The following HELZ variants were observed in gnomAD, a reference collection of about 807,000 sequenced individuals.
HELZ encodes helicase with zinc finger, also known as ATP-dependent RNA helicase with zinc finger domain.
In HELZ, 23 loss-of-function variants were observed where a neutral mutation model predicts 218.2. The observed-to-expected ratio is 0.11, with a 90% CI of 0.08 to 0.15. HELZ has a LOEUF of 0.15. Among genes scored for constraint, HELZ ranks in the 10% least tolerant of loss-of-function variants. The pLI, the probability that HELZ is intolerant of heterozygous loss-of-function variation, is 1.00. For synonymous variants in HELZ, 814 were observed against 829.4 expected, an observed-to-expected ratio of 0.98 and a Z score of 0.32; for missense variants, 1,813 against 2,353.7, an observed-to-expected ratio of 0.77 and a Z score of 4.75.
rs10692832 is a variant in HELZ at position 67,212,314 on chromosome 17, C to CAAAAAAAAAAAAAAAAAAAAAAAGAAAA, written c.247+3584_247+3585insTTTTCTTTTTTTTTTTTTTTTTTTTTTT. Among the ~76,000 whole-genome samples the CAAAAAAAAAAAAAAAAAAAAAAAGAAAA allele has an allele frequency of 9.3e-5, 2 of 21,396 alleles. 1 individual carries two copies. The highest frequency in any genetic ancestry group is 1.6e-4 in the Non-Finnish European group (2 of 12,310). 14.0% of individuals were successfully genotyped at this position (21,396 alleles called of 152,430 possible). On this transcript the variant is annotated intron_variant, in intron 5 of 32. Transcript: ENST00000358691. The stretch of plus-strand genomic sequence containing the variant: ...TGGGCGACAGGGAGAGACACCATCT[C>CAAAAAAAAAAAAAAAAAAAAAAAGAAAA]AAAAAAAAAAAAAAAAAAAAAGGCT...
At chr17:67,126,708 C>CAA (rs1185600678) in intron 24 of HELZ, among the ~76,000 whole-genome samples, 2 of 142,702 alleles carry the variant, frequency 1.4e-5, no homozygotes, top group East Asian at 3.9e-4. Context: ...CACACACACA[C>CAA]AAAACTACTG....
In HELZ at chr17:67,235,749, CTTTTTTTTTT is replaced by C. The variant is rs1216322685; in HGVS notation, c.-19+3674_-19+3683del. On this transcript the variant is annotated intron_variant, in intron 3 of 32. Coordinates refer to ENST00000358691, the MANE Select transcript of HELZ (RefSeq NM_014877.4). ...TCATTTACCATTTTGACCACACACT[CTTTTTTTTTT>C]TTTTTTTTTTTTTTGAGACGGAGTC... 1.0e-4 allele frequency among the ~76,000 whole-genome samples: 8 copies of C among 78,670 alleles called. No individual in the cohort carries two copies. The Admixed American group carries it at 1.2e-3, about 12-fold the overall frequency. The allele number at this position is 78,670 out of a possible 152,430, so 51.6% of individuals were successfully genotyped here. A position where few individuals can be genotyped will look rare whatever the true frequency, so the allele number is the denominator to read the frequency against.
chr17:67,186,999 G>A (rs2039774114), intron 12 of HELZ, among the ~76,000 whole-genome samples: 1 of 152,122 alleles, frequency 6.6e-6, no homozygotes, highest in African/African-American at 2.4e-5. Flanking sequence ...ACACCCATTT[G>A]CTTATGCATT....
rs2038960601 is a variant in HELZ, at chr17:67,160,319, T to C, written c.2119A>G (p.Ile707Val). ...THSNSAADLY[I>V]KDYLHPYVEA... ...ACATATGGATGTAAATAATCCTTTA[T>C]GTAGAGATCAGCAGCACTATTAGAA... The change falls in exon 17 of 33, where the codon ATA (isoleucine) becomes GTA (valine). Residue 707 changes from isoleucine (I) to valine (V), a missense_variant. Transcript: ENST00000358691. 3 of 1,612,610 alleles carry C rather than the reference T, an allele frequency of 1.9e-6. No individual in the cohort carries two copies. The highest frequency in any genetic ancestry group is 2.5e-6 in the Non-Finnish European group (3 of 1,179,128).
intron 1 of HELZ, among the ~76,000 whole-genome samples, chr17:67,244,349 ACAAT>A (rs2041408619): frequency 6.6e-6 from 1 of 152,206 alleles, no homozygotes; most frequent in Non-Finnish European, 1.5e-5. Flanking sequence ...CGATCCAAGA[ACAAT>A]CAGAGGACCC....
chr17:67,211,785 C>G (rs115286405), intron 5 of HELZ, among the ~76,000 whole-genome samples: 1,620 of 151,970 alleles, frequency 0.011, 30 homozygotes, highest in African/African-American at 0.037. Context: ...TGCTTGAGCC[C>G]GTAAGGCAGA....
At chr17:67,183,432 T>G (rs2039666142) in intron 12 of HELZ, among the ~76,000 whole-genome samples, 1 of 152,244 alleles carries the variant, frequency 6.6e-6, no homozygotes, top group African/African-American at 2.4e-5. Context: ...CTATTACTTT[T>G]CTGATCATGT....
intron 6 of HELZ, among the ~76,000 whole-genome samples, chr17:67,202,685 A>T (rs2040198360): frequency 6.6e-6 from 1 of 152,356 alleles, no homozygotes; most frequent in East Asian, 1.9e-4. Flanking sequence ...ACCCTATGAG[A>T]TCATATGTCC....
chr17:67,180,877 CAAAAAAA>C (rs1019801835), intron 12 of HELZ, among the ~76,000 whole-genome samples: 125 of 41,916 alleles, frequency 3.0e-3, no homozygotes, highest in Admixed American at 0.01. Flanking sequence ...GACTCCATCT[CAAAAAAA>C]AAAAAAAAAA....
At chr17:67,120,256 G>A (rs1011522501) in intron 27 of HELZ, 149 bp downstream of exon 27, 20 of 652,356 alleles carry the variant, frequency 3.1e-5, no homozygotes, top group Admixed American at 2.4e-4. Context: ...TGCCCGCCTC[G>A]GCCTCCCAAA....
At chr17:67,193,865 T>C in intron 9 of HELZ, 102 bp downstream of exon 9, 1 of 820,288 alleles carries the variant, frequency 1.2e-6, no homozygotes, top group Non-Finnish European at 2.0e-6. Context: ...ATGGCTTCTG[T>C]TTCAAATTGA....
intron 3 of HELZ, among the ~76,000 whole-genome samples, chr17:67,220,271 C>T (rs1197746446): frequency 1.3e-5 from 2 of 152,170 alleles, no homozygotes; most frequent in Admixed American, 1.3e-4. Context: ...TAGAGAGCAG[C>T]AGGAGGCAAG....
At chr17:67,162,429 G>A (rs943782187) in intron 15 of HELZ, among the ~76,000 whole-genome samples, 5 of 152,100 alleles carry the variant, frequency 3.3e-5, no homozygotes, top group African/African-American at 7.2e-5. Context: ...AGCATTAACC[G>A]GCTTATTTAT....
chr17:67,174,521 A>G (rs2039400054), intron 13 of HELZ, among the ~76,000 whole-genome samples: 1 of 152,156 alleles, frequency 6.6e-6, no homozygotes, highest in Admixed American at 6.5e-5. Context: ...TGCTTTGGCC[A>G]GGCATGGTAG....
At position 67,151,102 on chromosome 17, in the gene HELZ, A is replaced by G; in HGVS notation, c.2300T>C (p.Val767Ala). Residue 767 changes from valine to alanine, a missense_variant, in exon 18 of 33, where the codon GTG (valine) becomes GCG (alanine). By Grantham distance (64) the Val-to-Ala change is moderately conservative. Coordinates refer to ENST00000358691, the MANE Select transcript of HELZ (RefSeq NM_014877.4). ...PQKEDILKHR[V>A]VVVTLNTSQY... ...GGAAGTATTCAAGGTAACAACCACC[A>G]CTCGATGTTTAAGAATATCTTCTTT... 6.2e-7 allele frequency: 1 copy of G among 1,613,888 alleles called. No individual in the cohort carries two copies. The highest frequency in any genetic ancestry group is 8.5e-7 in the Non-Finnish European group (1 of 1,179,864).
intron 10 of HELZ, 63 bp downstream of exon 10, chr17:67,190,094 A>T: frequency 7.3e-7 from 1 of 1,361,188 alleles, no homozygotes; most frequent in Non-Finnish European, 1.0e-6. Flanking sequence ...AGCACACAAT[A>T]AAGTCAAGAC....
chr17:67,100,172 G>C (rs1217948033), intron 31 of HELZ, among the ~76,000 whole-genome samples: 1 of 152,036 alleles, frequency 6.6e-6, no homozygotes. Flanking sequence ...AGAGAAATTG[G>C]GGGAGTCACG....
In HELZ at chr17:67,109,607, C is replaced by G; in HGVS notation, c.3998G>C (p.Arg1333Pro). The G allele has an allele frequency of 6.2e-7, 1 of 1,613,976 alleles. No individual in the cohort carries two copies. The highest frequency in any genetic ancestry group is 8.5e-7 in the Non-Finnish European group (1 of 1,179,998). Residue 1333 changes from arginine (R) to proline (P), a missense_variant, in exon 29 of 33, where the codon CGC becomes CCC. By Grantham distance (103) the Arg-to-Pro change is moderately radical. Coordinates refer to ENST00000358691, the MANE Select transcript of HELZ (RefSeq NM_014877.4). ...GTGTCTTGGGTTGAGATTATCTTTG[C>G]GAGGAAATTTGGTACTGGGATAAAC... ...SVVYPSTKFP[R>P]KDNLNPRHIN...
intron 1 of HELZ, 84 bp downstream of exon 1, chr17:67,245,064 A>AG: frequency 1.0e-6 from 1 of 983,804 alleles, no homozygotes; most frequent in Non-Finnish European, 1.2e-6. Context: ...GGGACACCGG[A>AG]GGGGAGTCGG....
Sources: gnomAD v4.1 joint callset for allele counts (sites outside exome capture counted in the v4.1 genomes callset) on GRCh38, gnomAD v4.1.1 for gene constraint, MANE v1.5 for transcripts, NCBI Gene and HGNC (gene_info 2026-07-23, HGNC 2026-07-21) for gene names.